The following ABCC3 variants were observed in gnomAD, a reference collection of about 807,000 sequenced individuals.
ABCC3 encodes the protein ATP binding cassette subfamily C member 3, also known as ATP-binding cassette sub-family C member 3.
ABCC3 carries 121 observed loss-of-function variants against 165.3 expected under a neutral mutation model. The observed-to-expected ratio is 0.73, with a 90% CI of 0.63 to 0.85. ABCC3 has a LOEUF of 0.85. ABCC3 is among the 40% of genes least tolerant of loss of function. ABCC3 has a pLI of 0.00. For synonymous variants in ABCC3, 733 were observed against 810.1 expected, an observed-to-expected ratio of 0.90 and a Z score of 1.62; for missense variants, 1,869 against 1,964.1, an observed-to-expected ratio of 0.95 and a Z score of 0.92.
At chr17:50,674,081 C>A (rs1454687626) in intron 19 of ABCC3, 1 of 113,024 alleles carries the variant, frequency 8.8e-6, no homozygotes, top group Admixed American at 1.0e-4. Context: ...TCTTTTTTTT[C>A]TTTTGAGGCA....
intron 28 of ABCC3, 51 bp from the exon 29 acceptor site, chr17:50,684,658 C>A: frequency 6.4e-7 from 1 of 1,566,830 alleles, no homozygotes; most frequent in South Asian, 1.2e-5. Context: ...GGGCCTATGG[C>A]TCCTCATAGG....
In ABCC3 at chr17:50,669,444, C is replaced by G. The variant is rs942099020; in HGVS notation, c.2157C>G (p.Arg719=). ...VLFGKALNPK[R]YQQTLEACAL... ...TCGGCAAAGCCCTGAACCCCAAGCGCTACCAGCAGACTCTGGAGGCCTGTG... is the reference window on the plus strand; with the variant it reads ...TCGGCAAAGCCCTGAACCCCAAGCGGTACCAGCAGACTCTGGAGGCCTGTG... Residue 719 remains arginine, a synonymous_variant, in exon 17 of 31, where the codon CGC becomes CGG. Coordinates refer to ENST00000285238, the MANE Select transcript of ABCC3 (RefSeq NM_003786.4). 2 of 1,614,140 alleles carry G rather than the reference C, an allele frequency of 1.2e-6. No homozygotes were observed. The highest frequency in any genetic ancestry group is 2.7e-5 in the African/African-American group (2 of 74,954).
chr17:50,667,820 G>A (rs778036572), intron 12 of ABCC3, 43 bp from the exon 13 acceptor site: 13 of 1,613,594 alleles, frequency 8.1e-6, no homozygotes, highest in African/African-American at 1.3e-5. Context: ...GCATGGCCAG[G>A]GCTCATTGGA....
rs756954405 is a variant in ABCC3, at chr17:50,668,419, T to A, written c.1783-11T>A. 1 of 1,612,584 alleles carries A rather than the reference T, an allele frequency of 6.2e-7. No homozygotes were observed. Among genetic ancestry groups the A allele is most frequent in the East Asian group, 2.2e-5 (1 of 44,844 alleles). On this transcript the variant is annotated splice_polypyrimidine_tract_variant and intron_variant, in intron 13 of 30. Coordinates refer to ENST00000285238, the MANE Select transcript of ABCC3 (RefSeq NM_003786.4). ...GTACAGTCTCTAGGGCTGACTCACA[T>A]CCTCCCGTAGGCCAGTGTGTCTCTG...
At chr17:50,653,360 AAAAG>A (rs1404594306) in intron 1 of ABCC3, among the ~76,000 whole-genome samples, 3 of 150,850 alleles carry the variant, frequency 2.0e-5, no homozygotes, top group African/African-American at 7.3e-5. Context: ...AAAAAAAAAA[AAAAG>A]AAAAAGAAAA....
At chr17:50,683,808 C>A in intron 27 of ABCC3, 52 bp downstream of exon 27, 1 of 1,574,780 alleles carries the variant, frequency 6.4e-7, no homozygotes, top group Non-Finnish European at 8.6e-7. Context: ...GCAGACATGG[C>A]CACAGCCCTT....
chr17:50,685,352 G>A (rs1238712508), intron 29 of ABCC3, among the ~76,000 whole-genome samples: 4 of 152,196 alleles, frequency 2.6e-5, no homozygotes, highest in Non-Finnish European at 5.9e-5. Context: ...GTGATTTGGG[G>A]CTAGTTGCTT....
At position 50,673,634 on chromosome 17, in the gene ABCC3, G is replaced by C; in HGVS notation, c.2575G>C (p.Gly859Arg). The change falls in exon 19 of 31, where the codon GGG becomes CGG. Residue 859 changes from glycine (G) to arginine (R), a missense_variant. Gly to Arg is a moderately radical substitution (Grantham distance 125). Transcript: ENST00000285238. ...LCNYAPDEDQ[G>R]HLEDSWTALE... Reference sequence around the variant, plus strand: ...CAACTATGCCCCCGATGAGGACCAAGGGCACCTGGAGGACAGCTGGACCGG... The same window carrying C: ...CAACTATGCCCCCGATGAGGACCAACGGCACCTGGAGGACAGCTGGACCGG... 1 of 1,614,118 alleles carries C rather than the reference G, an allele frequency of 6.2e-7. No individual in the cohort carries two copies. The highest frequency in any genetic ancestry group is 8.5e-7 in the Non-Finnish European group (1 of 1,180,024).
chr17:50,656,108 CAG>C (rs765222701), intron 2 of ABCC3, 100 bp downstream of exon 2: 5 of 1,018,002 alleles, frequency 4.9e-6, no homozygotes, highest in Non-Finnish European at 6.4e-6. Context: ...AATTTAGAGA[CAG>C]AGTCTCACTC....
chr17:50,661,196 A>G, intron 8 of ABCC3, 82 bp downstream of exon 8: 1 of 1,405,426 alleles, frequency 7.1e-7, no homozygotes, highest in Non-Finnish European at 9.5e-7. Flanking sequence ...AACAACGTAC[A>G]GTGAAAAGAA....
intron 10 of ABCC3, chr17:50,664,638 G>A (rs1444937559): frequency 1.8e-5 from 3 of 170,498 alleles, no homozygotes; most frequent in Non-Finnish European, 3.7e-5. Context: ...AGGAGGCAGA[G>A]GTTGCAGTGA....
At position 50,659,362 on chromosome 17, in the gene ABCC3, C is replaced by G; in HGVS notation, c.800C>G (p.Thr267Arg). 1 of 1,608,482 alleles carries G rather than the reference C, an allele frequency of 6.2e-7. No homozygotes were observed. The highest frequency in any genetic ancestry group is 8.5e-7 in the Non-Finnish European group (1 of 1,175,854). The stretch of plus-strand genomic sequence containing the variant: ...GCATGGAGGAAGCAGGAAAAGCAGA[C>G]GGCACGGTGAGGCCCTCCCCTTGCC... ...LEAWRKQEKQTARHKASAAPG... is the reference protein window; with the variant it reads ...LEAWRKQEKQRARHKASAAPG... Residue 267 changes from threonine to arginine, a missense_variant, in exon 7 of 31, where the codon ACG becomes AGG. By Grantham distance (71) the Thr-to-Arg change is moderately conservative. Transcript: ENST00000285238.
chr17:50,664,002 T>C lies in ABCC3; in HGVS notation c.1229T>C (p.Val410Ala). 1.9e-6 allele frequency: 3 copies of C among 1,614,150 alleles called. No individual in the cohort carries two copies. The highest frequency in any genetic ancestry group is 2.5e-6 in the Non-Finnish European group (3 of 1,179,996). Residue 410 changes from valine (V) to alanine (A), a missense_variant, in exon 10 of 31, where the codon GTC (valine) becomes GCC (alanine). Physicochemically the swap from Val to Ala is moderately conservative, Grantham distance 64 (BLOSUM62 0). Coordinates refer to ENST00000285238, the MANE Select transcript of ABCC3 (RefSeq NM_003786.4). ...VKRASTVGEI[V>A]NLMSVDAQRF... ...CGTGCGTCCACTGTGGGGGAAATTG[T>C]CAACCTCATGTCAGTGGATGCCCAG...
chr17:50,664,803 G>T, intron 10 of ABCC3: 1 of 241,338 alleles, frequency 4.1e-6, no homozygotes, highest in Non-Finnish European at 8.1e-6. Flanking sequence ...TGTCTGCAAA[G>T]GAATCTTCCC....
intron 10 of ABCC3, 92 bp from the exon 11 acceptor site, chr17:50,665,061 A>G (rs1441656839): frequency 9.9e-6 from 11 of 1,106,520 alleles, no homozygotes; most frequent in Non-Finnish European, 1.2e-5. Flanking sequence ...TACACATTTC[A>G]AGTTAACAGG....
At position 50,659,291 on chromosome 17, in the gene ABCC3, A is replaced by G. The variant is rs771160536; in HGVS notation, c.729A>G (p.Leu243=). Residue 243 remains leucine, a synonymous_variant, in exon 7 of 31, where the codon CTA becomes CTG. Transcript: ENST00000285238. Reference sequence around the variant, plus strand: ...TGGAGGAGAAGGACCTCTGGTCCCTAAAGGAAGAGGACAGATCCCAGATGG... The same window carrying G: ...TGGAGGAGAAGGACCTCTGGTCCCTGAAGGAAGAGGACAGATCCCAGATGG... The part of the protein sequence containing the change: ...HPLEEKDLWS[L]KEEDRSQMVV... The G allele has an allele frequency of 1.9e-6, 3 of 1,613,916 alleles. No individual in the cohort carries two copies. Among genetic ancestry groups the G allele is most frequent in the Admixed American group, 3.3e-5 (2 of 60,022 alleles).
chr17:50,672,195 C>T (rs967977880), intron 17 of ABCC3, among the ~76,000 whole-genome samples: 4 of 152,164 alleles, frequency 2.6e-5, no homozygotes, highest in Admixed American at 2.6e-4. Flanking sequence ...GGGTAAGTTT[C>T]AACATGCACT....
At position 50,667,537 on chromosome 17, in the gene ABCC3, T is replaced by C; in HGVS notation, c.1432-17T>C. On this transcript the variant is annotated splice_polypyrimidine_tract_variant and intron_variant, in intron 11 of 30. Coordinates refer to ENST00000285238, the MANE Select transcript of ABCC3 (RefSeq NM_003786.4). The stretch of plus-strand genomic sequence containing the variant: ...GAGGGAGCAGGTGTGCCACTGACAC[T>C]CTTTCTGCCTGCACAGGTAAAGCAA... The C allele has an allele frequency of 6.3e-7, 1 of 1,597,082 alleles. No homozygotes were observed. The highest frequency in any genetic ancestry group is 8.6e-7 in the Non-Finnish European group (1 of 1,167,820).
At chr17:50,635,082 G>A (rs1289754319) in intron 1 of ABCC3, 101 bp downstream of exon 1, 11 of 1,207,594 alleles carry the variant, frequency 9.1e-6, no homozygotes, top group Non-Finnish European at 1.0e-5. Context: ...AGGTATCCCG[G>A]GACGGAGCCC....
Sources: allele counts gnomAD v4.1 joint callset (sites outside exome capture counted in the v4.1 genomes callset), GRCh38; gene constraint gnomAD v4.1.1; transcripts MANE v1.5; gene names NCBI Gene and HGNC (gene_info 2026-07-23, HGNC 2026-07-21).